SDK1: variants seen among roughly 807,000 people sequenced by gnomAD.
SDK1 encodes the protein protein sidekick-1.
In SDK1, 157 loss-of-function variants were observed where a neutral mutation model predicts 245.5. The ratio of observed to expected loss-of-function variants is 0.64; its 90% CI spans 0.56 to 0.73. The LOEUF (loss-of-function observed/expected upper bound fraction) is 0.73. Ranked by LOEUF, SDK1 falls within the 30% of genes least tolerant of loss-of-function variation. SDK1 has a pLI of 0.00. For synonymous variants in SDK1, 1,647 were observed against 1,278.5 expected (o/e 1.29, Z -6.15); for missense variants, 3,583 against 3,002.3 (o/e 1.19, Z -4.52).
At chr7:4,213,411 CA>C (rs546174942) in intron 38 of SDK1, among the ~76,000 whole-genome samples, 9,871 of 136,124 alleles carry the variant, frequency 0.073, 348 homozygotes, top group Middle Eastern at 0.11. Flanking sequence ...GACTCCGTCT[CA>C]AAAAAAAAAA....
intron 4 of SDK1, among the ~76,000 whole-genome samples, chr7:3,690,489 A>T (rs989108681): frequency 6.6e-6 from 1 of 152,006 alleles, no homozygotes; most frequent in African/African-American, 2.4e-5. Context: ...TGTAGGGATT[A>T]TAAAAATAAA....
chr7:3,799,653 C>G (rs917128447), intron 4 of SDK1, among the ~76,000 whole-genome samples: 4 of 131,038 alleles, frequency 3.1e-5, no homozygotes, highest in Non-Finnish European at 4.7e-5. Context: ...TGCAGTGAGC[C>G]AAAATCGCGC....
chr7:3,568,844 T>G (rs1780010102), intron 1 of SDK1, among the ~76,000 whole-genome samples: 1 of 152,236 alleles, frequency 6.6e-6, no homozygotes, highest in African/African-American at 2.4e-5. Context: ...GTTTTGCCCC[T>G]AGCTAGGAGC....
intron 1 of SDK1, among the ~76,000 whole-genome samples, chr7:3,421,709 A>G (rs533512439): frequency 4.1e-4 from 63 of 152,286 alleles, no homozygotes; most frequent in African/African-American, 1.5e-3. Flanking sequence ...AGATGGGATC[A>G]CATTCTTTGG....
intron 5 of SDK1, among the ~76,000 whole-genome samples, chr7:3,887,879 AC>A (rs1781373967): frequency 6.6e-6 from 1 of 152,210 alleles, no homozygotes; most frequent in South Asian, 2.1e-4. Flanking sequence ...CGCCTTAGCA[AC>A]TGACGTAAGA....
At chr7:3,595,992 G>A (rs1218110691) in intron 1 of SDK1, among the ~76,000 whole-genome samples, 1 of 149,280 alleles carries the variant, frequency 6.7e-6, no homozygotes, top group East Asian at 1.9e-4. Flanking sequence ...TACCTGATGC[G>A]GTCGTTGTGA....
At chr7:3,575,652 C>G (rs1780263609) in intron 1 of SDK1, among the ~76,000 whole-genome samples, 2 of 151,902 alleles carry the variant, frequency 1.3e-5, no homozygotes, top group African/African-American at 4.8e-5. Context: ...AAGGGACTGT[C>G]TTCATAAAGG....
At chr7:3,658,940 A>C (rs1416352022) in intron 4 of SDK1, among the ~76,000 whole-genome samples, 1 of 152,056 alleles carries the variant, frequency 6.6e-6, no homozygotes, top group Non-Finnish European at 1.5e-5. Context: ...CTAACAGAAT[A>C]TTTCCATCAC....
chr7:3,670,013 G>T (rs1345330561), intron 4 of SDK1, among the ~76,000 whole-genome samples: 1 of 152,120 alleles, frequency 6.6e-6, no homozygotes, highest in East Asian at 1.9e-4. Context: ...TCAATCACCA[G>T]TTTCTCTTAT....
Position 3,958,998 on chromosome 7 carries a change from C to G in SDK1, c.1218C>G (p.Ile406Met). The G allele has an allele frequency of 6.2e-7, 1 of 1,613,614 alleles. No individual in the cohort carries two copies. Among genetic ancestry groups the G allele is most frequent in the Non-Finnish European group, 8.5e-7 (1 of 1,179,626 alleles). ...CTGAAGTAGAAGAAACTGTGGACAT[C>G]GGATGTCAAGCCATGGGTGAGTGCA... is the stretch of plus-strand genomic sequence containing the variant. ...ISAEVEETVD[I>M]GCQAMGVPLP... The change falls in exon 8 of 45, where the codon ATC (isoleucine) becomes ATG (methionine). Residue 406 changes from isoleucine to methionine, a missense_variant. Transcript: ENST00000404826.
chr7:3,683,012 G>A (rs944364208), intron 4 of SDK1, among the ~76,000 whole-genome samples: 1 of 152,188 alleles, frequency 6.6e-6, no homozygotes, highest in Non-Finnish European at 1.5e-5. Flanking sequence ...GTGATCACAA[G>A]TATGAGCTAC....
At chr7:3,564,842 T>C (rs373397319) in intron 1 of SDK1, among the ~76,000 whole-genome samples, 28 of 152,202 alleles carry the variant, frequency 1.8e-4, no homozygotes, top group Admixed American at 2.6e-4. Flanking sequence ...TTCAGCAATT[T>C]TCTGAAGTTA....
At chr7:3,384,708 G>A (rs981838411) in intron 1 of SDK1, among the ~76,000 whole-genome samples, 7 of 152,166 alleles carry the variant, frequency 4.6e-5, no homozygotes, top group East Asian at 1.9e-4. Flanking sequence ...AATGCAGCAG[G>A]CATGTTTATC....
chr7:3,666,224 C>G lies in SDK1; in HGVS notation c.713+24119C>G, dbSNP rs114376579. 1.9e-3 allele frequency among the ~76,000 whole-genome samples: 287 copies of G among 152,274 alleles called. 2 individuals carry two copies. Among genetic ancestry groups the G allele is most frequent in the African/African-American group, 6.5e-3 (271 of 41,554 alleles). On this transcript the variant is annotated intron_variant, in intron 4 of 44. Transcript: ENST00000404826. ...CTCAAGATGAAGTTCGAGCACTGGT[C>G]CTCCTGGCCTTGTGCCGCCTGCATC...
chr7:3,350,087 G>T (rs1780618384), intron 1 of SDK1, among the ~76,000 whole-genome samples: 1 of 152,204 alleles, frequency 6.6e-6, no homozygotes, highest in African/African-American at 2.4e-5. Context: ...TTGGTGATGG[G>T]TGGGTAAGGT....
chr7:3,655,499 ATATATG>A (rs1312784176), intron 4 of SDK1, among the ~76,000 whole-genome samples: 18 of 64,074 alleles, frequency 2.8e-4, no homozygotes, highest in Non-Finnish European at 7.0e-4. Flanking sequence ...ATATATATAT[ATATATG>A]TATGTATGTA....
intron 20 of SDK1, among the ~76,000 whole-genome samples, chr7:4,069,509 G>A (rs1205256898): frequency 6.6e-6 from 1 of 152,232 alleles, no homozygotes; most frequent in South Asian, 2.1e-4. Context: ...CGGTCAGTTT[G>A]GAGCTGAGCT....
At chr7:3,441,454 A>T (rs936316939) in intron 1 of SDK1, among the ~76,000 whole-genome samples, 1 of 152,180 alleles carries the variant, frequency 6.6e-6, no homozygotes, top group African/African-American at 2.4e-5. Context: ...TTCCAGCACC[A>T]TTTGTTGAAA....
intron 28 of SDK1, among the ~76,000 whole-genome samples, chr7:4,139,386 C>T (rs1264286655): frequency 4.6e-5 from 6 of 130,002 alleles, no homozygotes; most frequent in Admixed American, 7.7e-5. Flanking sequence ...TATATATGTA[C>T]GTGTGTGTGT....
Sources: gnomAD v4.1 joint callset for allele counts (sites outside exome capture counted in the v4.1 genomes callset) on GRCh38, gnomAD v4.1.1 for gene constraint, MANE v1.5 for transcripts, NCBI Gene and HGNC (gene_info 2026-07-23, HGNC 2026-07-21) for gene names.